Variants in TMT1A observed in about 807,000 individuals in gnomAD.
The protein encoded by TMT1A is thiol S-methyltransferase TMT1A.
the TMT1A span, chr12:50,925,636 T>C: frequency 7.5e-7 from 1 of 1,329,738 alleles, no homozygotes; most frequent in Non-Finnish European, 1.0e-6. Context: ...ACATAAAAAG[T>C]AAACTACTAG....
chr12:50,927,834 C>CT, the TMT1A span, among the ~76,000 whole-genome samples: 17 of 151,670 alleles, frequency 1.1e-4, no homozygotes, highest in Non-Finnish European at 1.8e-4. Context: ...GCAAATATTC[C>CT]TTTTTTTTGA....
chr12:50,930,143 T>C, the TMT1A span: 3 of 1,599,656 alleles, frequency 1.9e-6, no homozygotes, highest in Admixed American at 1.7e-5. Flanking sequence ...GGATATGCTG[T>C]GAAATAGTGT....
the TMT1A span, chr12:50,929,889 GT>G: frequency 0.011 from 13,145 of 1,208,002 alleles, 11 homozygotes; most frequent in Non-Finnish European, 0.013. Flanking sequence ...TCCTTGAAAT[GT>G]TTTTTTTTTT....
chr12:50,930,249 G>A, the TMT1A span: 2 of 1,050,364 alleles, frequency 1.9e-6, no homozygotes, highest in Non-Finnish European at 1.3e-6. Context: ...TTTTTTTGGG[G>A]GGCGGTTTTT....
At chr12:50,929,365 A>C in the TMT1A span, among the ~76,000 whole-genome samples, 1 of 152,250 alleles carries the variant, frequency 6.6e-6, no homozygotes, top group Admixed American at 6.5e-5. Flanking sequence ...ACTCTGCCTG[A>C]GGAGCCAAGA....
chr12:50,925,063 A>T, the TMT1A span: 9 of 1,613,974 alleles, frequency 5.6e-6, no homozygotes, highest in Non-Finnish European at 8.5e-7. Flanking sequence ...CTTTATCCTG[A>T]GACTGGCCAT....
chr12:50,925,865 C>T, the TMT1A span, among the ~76,000 whole-genome samples: 1 of 150,994 alleles, frequency 6.6e-6, no homozygotes. Context: ...ATGGTGAAAC[C>T]CCATCTCTAT....
chr12:50,925,273 T>A, the TMT1A span: 2 of 1,614,122 alleles, frequency 1.2e-6, no homozygotes, highest in Admixed American at 1.7e-5. Flanking sequence ...GGAAGTGGGC[T>A]GTGGCACGGG....
At chr12:50,931,546 CA>C in the TMT1A span, 441 of 125,288 alleles carry the variant, frequency 3.5e-3, no homozygotes, top group African/African-American at 4.5e-3. Flanking sequence ...ACTAAAGATA[CA>C]AAAAAAAAAA....
the TMT1A span, among the ~76,000 whole-genome samples, chr12:50,925,825 G>A: frequency 1.3e-5 from 2 of 151,820 alleles, no homozygotes; most frequent in African/African-American, 4.8e-5. Flanking sequence ...GATCGCTTGA[G>A]GTCAGGAGTT....
chr12:50,929,895 T>G, the TMT1A span: 1 of 1,555,596 alleles, frequency 6.4e-7, no homozygotes, highest in South Asian at 1.2e-5. Flanking sequence ...AAATGTTTTT[T>G]TTTTTCTTTC....
chr12:50,929,865 C>T, the TMT1A span: 4 of 1,517,818 alleles, frequency 2.6e-6, no homozygotes, highest in South Asian at 4.9e-5. Flanking sequence ...ATTAAAAAAG[C>T]AGAAATGAAA....
the TMT1A span, among the ~76,000 whole-genome samples, chr12:50,926,415 A>G: frequency 6.6e-6 from 1 of 152,212 alleles, no homozygotes; most frequent in Non-Finnish European, 1.5e-5. Context: ...TTTGGGTGGT[A>G]TCTGATAATA....
the TMT1A span, among the ~76,000 whole-genome samples, chr12:50,929,604 C>T: frequency 1.3e-5 from 2 of 152,212 alleles, no homozygotes; most frequent in African/African-American, 4.8e-5. Context: ...GAGTAATTTA[C>T]ATTTAGCATC....
At chr12:50,925,581 T>A in the TMT1A span, 1 of 1,582,642 alleles carries the variant, frequency 6.3e-7, no homozygotes, top group South Asian at 1.1e-5. Context: ...GCAGCTATTA[T>A]CATAGAGGGC....
the TMT1A span, chr12:50,930,273 GGTTT>G: frequency 1.5e-6 from 1 of 688,402 alleles, no homozygotes; most frequent in Non-Finnish European, 2.2e-6. Flanking sequence ...GTTTGTTGTT[GGTTT>G]TTTTTTTTTT....
At chr12:50,925,417 G>A in the TMT1A span, 29 of 1,614,164 alleles carry the variant, frequency 1.8e-5, no homozygotes, top group African/African-American at 1.1e-4. Flanking sequence ...GGTAGCTGCC[G>A]GGGAGAACAT....
the TMT1A span, chr12:50,930,834 G>T: frequency 2.0e-5 from 3 of 151,562 alleles, no homozygotes; most frequent in Admixed American, 2.0e-4. Flanking sequence ...TGCCTGCCTC[G>T]GCCTCCCAAA....
the TMT1A span, chr12:50,930,840 C>T: frequency 6.6e-6 from 1 of 152,278 alleles, no homozygotes; most frequent in African/African-American, 2.4e-5. Flanking sequence ...CCTCGGCCTC[C>T]CAAAGTGCTG....
Sources: allele counts gnomAD v4.1 joint callset (sites outside exome capture counted in the v4.1 genomes callset), GRCh38; gene constraint gnomAD v4.1.1; transcripts MANE v1.5; gene names NCBI Gene and HGNC (gene_info 2026-07-23, HGNC 2026-07-21).